Variants in ZHX3 observed in about 807,000 individuals in gnomAD.
The protein encoded by ZHX3 is zinc fingers and homeoboxes protein 3.
ZHX3 carries 20 observed loss-of-function variants against 64.5 expected under a neutral mutation model. The ratio of observed to expected loss-of-function variants is 0.31; its 90% CI spans 0.22 to 0.45. The LOEUF (loss-of-function observed/expected upper bound fraction) is 0.45. ZHX3 is among the 20% of genes least tolerant of loss of function. The pLI is 1.00. For synonymous variants in ZHX3, 423 were observed against 461.6 expected, an observed-to-expected ratio of 0.92 and a Z score of 1.07; for missense variants, 1,041 against 1,195.8, an observed-to-expected ratio of 0.87 and a Z score of 1.91.
intron 1 of ZHX3, among the ~76,000 whole-genome samples, chr20:41,301,564 G>C (rs967904897): frequency 1.3e-5 from 2 of 151,932 alleles, no homozygotes; most frequent in African/African-American, 4.8e-5. Context: ...CCTTTACCAG[G>C]AACTAGTCCT....
At chr20:41,271,543 G>A (rs1475082818) in intron 1 of ZHX3, among the ~76,000 whole-genome samples, 1 of 152,036 alleles carries the variant, frequency 6.6e-6, no homozygotes, top group Non-Finnish European at 1.5e-5. Context: ...GGCATATTTT[G>A]GATCATAAGA....
rs2038511844 is a variant in ZHX3, at chr20:41,204,236, C to G, written c.681G>C (p.Glu227Asp). 1.2e-6 allele frequency: 2 copies of G among 1,613,916 alleles called. No homozygotes were observed. The highest frequency in any genetic ancestry group is 1.7e-4 in the Middle Eastern group (1 of 6,056). ...CCCCATTGATGAAGGAATGGTCCCC[C>G]TCTCTCACCTCCATTTCTCCAGTCG... is the stretch of plus-strand genomic sequence containing the variant. ...KLSTGEMEVR[E>D]GDHSFINGAV... The change falls in exon 3 of 4, where the codon GAG (glutamate) becomes GAC (aspartate). Residue 227 changes from glutamate (E) to aspartate (D), a missense_variant. Transcript: ENST00000683867. This position sits in a 1 kb window ranked among gnomAD's most constrained non-coding sequence, Gnocchi z 6.6.
At chr20:41,230,189 T>G (rs961944872) in intron 2 of ZHX3, among the ~76,000 whole-genome samples, 2 of 152,194 alleles carry the variant, frequency 1.3e-5, no homozygotes, top group African/African-American at 4.8e-5. Context: ...AAATATATTC[T>G]TAGATTTTTT....
At chr20:41,273,889 G>T (rs1378375621) in intron 1 of ZHX3, among the ~76,000 whole-genome samples, 1 of 152,104 alleles carries the variant, frequency 6.6e-6, no homozygotes, top group Non-Finnish European at 1.5e-5. Context: ...ATAGGTACTG[G>T]AATTTTGGTC....
At chr20:41,237,779 A>T (rs979030026) in intron 2 of ZHX3, among the ~76,000 whole-genome samples, 1 of 152,240 alleles carries the variant, frequency 6.6e-6, no homozygotes, top group African/African-American at 2.4e-5. Context: ...AAAATAAAAT[A>T]AAGAAAATAT....
rs184187335 is a variant in ZHX3, at chr20:41,219,837, A to G, written c.-150-14771T>C. Among the ~76,000 whole-genome samples the G allele has an allele frequency of 2.2e-3, 338 of 152,356 alleles. No individual in the cohort carries two copies. Among genetic ancestry groups the G allele is most frequent in the African/African-American group, 7.6e-3 (317 of 41,580 alleles). On this transcript the variant is annotated intron_variant, in intron 2 of 3. Coordinates refer to ENST00000683867, the MANE Select transcript of ZHX3 (RefSeq NM_001384317.1). This position sits in a 1 kb window ranked among gnomAD's most constrained non-coding sequence, Gnocchi z 5.0. The stretch of plus-strand genomic sequence containing the variant: ...CCTCCAGGGGAAAAGTTTTATGAGA[A>G]AGTATAGGCTTTGCCTCACTATTTA...
chr20:41,203,695 C>G lies in ZHX3; in HGVS notation c.1222G>C (p.Ala408Pro). The G allele has an allele frequency of 1.2e-6, 2 of 1,614,160 alleles. No homozygotes were observed. Among genetic ancestry groups the G allele is most frequent in the Non-Finnish European group, 1.7e-6 (2 of 1,179,996 alleles). The change falls in exon 3 of 4, where the codon GCC (alanine) becomes CCC (proline). Residue 408 changes from alanine to proline, a missense_variant. Physicochemically the swap from Ala to Pro is conservative, Grantham distance 27. Coordinates refer to ENST00000683867, the MANE Select transcript of ZHX3 (RefSeq NM_001384317.1). The surrounding 1 kb of genome is among the most constrained non-coding windows in gnomAD (Gnocchi z 7.1). Reference sequence around the variant, plus strand: ...CCCACAACGTGACCTGGAAGAGCGGCCTGGATGAGATGCTGGACATTGCCA... The same window carrying G: ...CCCACAACGTGACCTGGAAGAGCGGGCTGGATGAGATGCTGGACATTGCCA... ...SAGNVQHLIQ[A>P]ALPGHVVGQP...
At chr20:41,295,406 GAAC>G (rs1294610261) in intron 1 of ZHX3, among the ~76,000 whole-genome samples, 4 of 151,940 alleles carry the variant, frequency 2.6e-5, no homozygotes, top group Non-Finnish European at 4.4e-5. Flanking sequence ...AATGACATGG[GAAC>G]AATACAAACT....
At chr20:41,231,944 A>G (rs969401891) in intron 2 of ZHX3, among the ~76,000 whole-genome samples, 1 of 152,236 alleles carries the variant, frequency 6.6e-6, no homozygotes, top group Non-Finnish European at 1.5e-5. Flanking sequence ...GGTTAATGAT[A>G]GTGATTGGCC....
intron 3 of ZHX3, among the ~76,000 whole-genome samples, chr20:41,191,570 C>A (rs912904831): frequency 1.6e-4 from 24 of 152,118 alleles, no homozygotes; most frequent in African/African-American, 5.1e-4. Flanking sequence ...TATTTCCTTG[C>A]TTTTTCATGT....
chr20:41,217,197 TAATC>T (rs1235836036), intron 2 of ZHX3, among the ~76,000 whole-genome samples: 1 of 152,192 alleles, frequency 6.6e-6, no homozygotes, highest in Non-Finnish European at 1.5e-5. Flanking sequence ...ACAAAAGTCT[TAATC>T]AGTTGGTGAT....
At chr20:41,262,099 G>A (rs943473916) in intron 2 of ZHX3, among the ~76,000 whole-genome samples, 6 of 152,186 alleles carry the variant, frequency 3.9e-5, no homozygotes, top group South Asian at 2.1e-4. Context: ...ATTCTGCCCC[G>A]AAATTCCTCA....
At chr20:41,192,552 T>C (rs888172679) in intron 3 of ZHX3, among the ~76,000 whole-genome samples, 1 of 152,244 alleles carries the variant, frequency 6.6e-6, no homozygotes, top group Non-Finnish European at 1.5e-5. Context: ...GCCCCTGCTA[T>C]GGTAGCTGGC....
rs371216176 is a variant in ZHX3 at position 41,313,643 on chromosome 20, G to A, written c.-245+3866C>T. Among the ~76,000 whole-genome samples, 50 of 143,046 alleles carry A rather than the reference G, an allele frequency of 3.5e-4. 1 individual carries two copies. The East Asian group carries it at 4.9e-3, about 14-fold the overall frequency. 93.8% of individuals were successfully genotyped at this position (143,046 alleles called of 152,430 possible). A position where few individuals can be genotyped will look rare whatever the true frequency, so the allele number is the denominator to read the frequency against. ...GATGGAGTCTCACTCTGTCGCCCAG[G>A]CTGGAGTGCAGTGGCGAGATCTCAG... On this transcript the variant is annotated intron_variant, in intron 1 of 3. Transcript: ENST00000683867.
In ZHX3 at chr20:41,180,433, C is replaced by G. The variant is rs1291394368; in HGVS notation, c.*4758G>C. The G allele has an allele frequency of 6.6e-6, 1 of 152,352 alleles. No individual in the cohort carries two copies. Among genetic ancestry groups the G allele is most frequent in the East Asian group, 1.9e-4 (1 of 5,200 alleles). 9.4% of individuals were successfully genotyped at this position (152,352 alleles called of 1,614,324 possible). A position where few individuals can be genotyped will look rare whatever the true frequency, so the allele number is the denominator to read the frequency against. On this transcript the variant is annotated 3_prime_UTR_variant, in exon 4 of 4. Transcript: ENST00000683867. The stretch of plus-strand genomic sequence containing the variant: ...CAGCCTCTGGGTTCCCTCCCCTGCT[C>G]TAGACTTCAGGGCAGTTAGAATGGA...
chr20:41,291,785 G>C (rs1049230620), intron 1 of ZHX3, among the ~76,000 whole-genome samples: 1 of 151,738 alleles, frequency 6.6e-6, no homozygotes, highest in African/African-American at 2.4e-5. Context: ...ATGCATTTTT[G>C]AGCAATCAGG....
chr20:41,218,952 C>T (rs1253183133), intron 2 of ZHX3, among the ~76,000 whole-genome samples: 20 of 115,844 alleles, frequency 1.7e-4, no homozygotes, highest in Non-Finnish European at 2.8e-4. Context: ...TTTTTTGAGA[C>T]GGAGTCTCGC....
chr20:41,188,913 C>T lies in ZHX3; in HGVS notation c.2861-3712G>A, dbSNP rs550008636. 5.1e-4 allele frequency among the ~76,000 whole-genome samples: 77 copies of T among 152,284 alleles called. No homozygotes were observed. The Middle Eastern group carries it at 0.01, about 20-fold the overall frequency. On this transcript the variant is annotated intron_variant, in intron 3 of 3. Transcript: ENST00000683867. ...GTTTTTGAGGTCTTAGCCATAAAAT[C>T]GTTGCTCAGACCAATGTCCTGAAGT...
chr20:41,214,524 A>G (rs955813671), intron 2 of ZHX3, among the ~76,000 whole-genome samples: 1 of 152,218 alleles, frequency 6.6e-6, no homozygotes, highest in Non-Finnish European at 1.5e-5. Flanking sequence ...TCTTGAAGTA[A>G]TATTTTCCTC....
Sources: allele counts gnomAD v4.1 joint callset (sites outside exome capture counted in the v4.1 genomes callset), GRCh38; gene constraint gnomAD v4.1.1; non-coding constraint Gnocchi (gnomAD v3.1); transcripts MANE v1.5; gene names NCBI Gene and HGNC (gene_info 2026-07-23, HGNC 2026-07-21).